The following PCDHGA1 variants were observed in gnomAD, a reference collection of about 807,000 sequenced individuals.
PCDHGA1 encodes the protein protocadherin gamma subfamily A, 1.
Under a neutral mutation model 58.0 loss-of-function variants are expected in PCDHGA1, and 32 were observed. The ratio of observed to expected loss-of-function variants is 0.55; its 90% CI spans 0.42 to 0.74. The LOEUF is 0.74. Ranked by LOEUF, PCDHGA1 falls within the 30% of genes least tolerant of loss-of-function variation. The pLI, the probability that PCDHGA1 is intolerant of heterozygous loss-of-function variation, is 0.00. For missense variants in PCDHGA1, 1,205 were observed against 1,182.3 expected, an observed-to-expected ratio of 1.02 and a Z score of -0.28; for synonymous variants, 498 against 501.1, an observed-to-expected ratio of 0.99 and a Z score of 0.08.
intron 1 of PCDHGA1, chr5:141,361,052 A>G: frequency 6.2e-7 from 1 of 1,613,800 alleles, no homozygotes; most frequent in Non-Finnish European, 8.5e-7. Context: ...ACAAAGGATG[A>G]TTTGGATTTT....
chr5:141,366,403 C>CT (rs1296449913), intron 1 of PCDHGA1: 9 of 1,614,094 alleles, frequency 5.6e-6, no homozygotes, highest in African/African-American at 1.3e-5. Context: ...ACCTCACACT[C>CT]TATCTTGTGG....
intron 1 of PCDHGA1, chr5:141,394,825 T>G: frequency 6.2e-7 from 1 of 1,613,802 alleles, no homozygotes; most frequent in Non-Finnish European, 8.5e-7. Flanking sequence ...ATCCCCGAAG[T>G]CCTGACCGAG....
intron 1 of PCDHGA1, chr5:141,356,275 T>C: frequency 6.4e-7 from 1 of 1,560,692 alleles, no homozygotes; most frequent in Non-Finnish European, 8.7e-7. Context: ...AGTCCAGGAA[T>C]CTTCTTCCCC....
At chr5:141,458,058 C>T (rs997664641) in intron 1 of PCDHGA1, among the ~76,000 whole-genome samples, 3 of 152,196 alleles carry the variant, frequency 2.0e-5, no homozygotes, top group Non-Finnish European at 4.4e-5. Context: ...TCTTGCTGCA[C>T]TGATGCGAAC....
chr5:141,355,787 T>C (rs1176744852), intron 1 of PCDHGA1: 1 of 1,613,614 alleles, frequency 6.2e-7, no homozygotes, highest in East Asian at 2.2e-5. Flanking sequence ...GAGCTGGTGC[T>C]GGAACGCGCT....
chr5:141,387,741 G>A, intron 1 of PCDHGA1: 7 of 1,332,868 alleles, frequency 5.3e-6, no homozygotes, highest in Non-Finnish European at 6.1e-6. Context: ...CCTTTACACC[G>A]CTTCCTCCTC....
chr5:141,333,233 T>C, intron 1 of PCDHGA1, 128 bp downstream of exon 1: 1 of 1,366,364 alleles, frequency 7.3e-7, no homozygotes. Context: ...TTATTACAAG[T>C]CCTGCAAAAT....
intron 1 of PCDHGA1, chr5:141,428,158 G>A: frequency 6.3e-7 from 1 of 1,577,728 alleles, no homozygotes; most frequent in Non-Finnish European, 8.7e-7. Context: ...GGAACCTGCT[G>A]GTTGCTGTGC....
At chr5:141,370,305 G>T in intron 1 of PCDHGA1, 2 of 1,206,280 alleles carry the variant, frequency 1.7e-6, no homozygotes, top group Non-Finnish European at 2.3e-6. Context: ...CAAAGACAAA[G>T]CAAATAGTTG....
chr5:141,355,727 G>A (rs779454610), intron 1 of PCDHGA1: 3 of 1,613,856 alleles, frequency 1.9e-6, no homozygotes, highest in Non-Finnish European at 2.5e-6. Flanking sequence ...AACTCAAACG[G>A]TTACTTTTCC....
chr5:141,355,560 G>C, intron 1 of PCDHGA1: 1 of 1,614,024 alleles, frequency 6.2e-7, no homozygotes, highest in Non-Finnish European at 8.5e-7. Flanking sequence ...TGCGGGTAGA[G>C]GTGGAAATAA....
At chr5:141,441,763 G>A in intron 1 of PCDHGA1, 1 of 384,020 alleles carries the variant, frequency 2.6e-6, no homozygotes, top group Non-Finnish European at 5.2e-6. Flanking sequence ...GTGAGCCTGC[G>A]CGTGTTGGTG....
chr5:141,340,432 A>C, intron 1 of PCDHGA1: 2 of 1,614,186 alleles, frequency 1.2e-6, no homozygotes, highest in South Asian at 1.1e-5. Flanking sequence ...ATGCTCATGT[A>C]ACTTACTCTT....
At chr5:141,375,806 G>C (rs1223554303) in intron 1 of PCDHGA1, 1 of 1,614,088 alleles carries the variant, frequency 6.2e-7, no homozygotes, top group African/African-American at 1.3e-5. Context: ...TTCCACTGGC[G>C]TGGAGCTGGC....
At chr5:141,370,664 A>G (rs1369327412) in intron 1 of PCDHGA1, 3 of 1,613,920 alleles carry the variant, frequency 1.9e-6, no homozygotes, top group South Asian at 1.1e-5. Flanking sequence ...GCGACCGTAT[A>G]GACCGAGAGG....
At chr5:141,505,345 G>C (rs776607130) in intron 2 of PCDHGA1, 48 bp from the exon 3 acceptor site, 3 of 1,613,086 alleles carry the variant, frequency 1.9e-6, no homozygotes, top group Non-Finnish European at 2.5e-6. Flanking sequence ...AGGGGCATGA[G>C]CTGTGCCGGC....
chr5:141,346,489 A>C, intron 1 of PCDHGA1: 1 of 1,612,884 alleles, frequency 6.2e-7, no homozygotes, highest in Non-Finnish European at 8.5e-7. Flanking sequence ...ATTATTAAGA[A>C]CAAATATGAG....
At chr5:141,508,739 C>A (rs1344024245) in intron 3 of PCDHGA1, among the ~76,000 whole-genome samples, 1 of 152,156 alleles carries the variant, frequency 6.6e-6, no homozygotes, top group African/African-American at 2.4e-5. Context: ...ACACCCCCCA[C>A]CCCGCTCTTT....
chr5:141,478,259 T>A lies in PCDHGA1; in HGVS notation c.2422-16548T>A, dbSNP rs534973741. ...GGTCACAGTGTTCGGAGTAATCATA[T>A]TCAAAGTTTACAAGTGGAAGCAGTC... On this transcript the variant is annotated intron_variant, in intron 1 of 3. Transcript: ENST00000517417. 3.2e-5 allele frequency: 52 copies of A among 1,614,064 alleles called. No individual in the cohort carries two copies. The highest frequency in any genetic ancestry group is 4.4e-5 in the Non-Finnish European group (52 of 1,180,048).
Sources: allele counts gnomAD v4.1 joint callset (sites outside exome capture counted in the v4.1 genomes callset), GRCh38; gene constraint gnomAD v4.1.1; transcripts MANE v1.5; gene names NCBI Gene and HGNC (gene_info 2026-07-23, HGNC 2026-07-21).